BAZ2B: variants seen among roughly 807,000 people sequenced by gnomAD.
The protein encoded by BAZ2B is bromodomain adjacent to zinc finger domain 2B.
Under a neutral mutation model 246.0 loss-of-function variants are expected in BAZ2B, and 91 were observed. The observed-to-expected ratio is 0.37, with a 90% CI of 0.31 to 0.44. The LOEUF (loss-of-function observed/expected upper bound fraction) is 0.44, where lower values mean the gene tolerates loss of function less well. Among genes scored for constraint, BAZ2B ranks in the 20% least tolerant of loss-of-function variants. The pLI is 1.00. For missense variants in BAZ2B, 2,332 were observed against 2,533.7 expected (o/e 0.92, Z 1.71); for synonymous variants, 855 against 860.0 (o/e 0.99, Z 0.10).
chr2:159,333,119 T>A (rs1293110329), intron 33 of BAZ2B: 1 of 152,540 alleles, frequency 6.6e-6, no homozygotes, highest in East Asian at 1.9e-4. Flanking sequence ...GAGTATTTTT[T>A]AAAATCAAAA....
At chr2:159,356,570 C>T (rs1002028997) in intron 27 of BAZ2B, among the ~76,000 whole-genome samples, 52 of 152,154 alleles carry the variant, frequency 3.4e-4, no homozygotes, top group Non-Finnish European at 6.9e-4. Flanking sequence ...TTAAACGTTC[C>T]TGCCTGGTGG....
rs760177727 is a variant in BAZ2B, at chr2:159,428,373, C to G, written c.2302G>C (p.Gly768Arg). Reference protein sequence around the residue: ...RIRNFGGRLQGEVAYYAPCGK... With the variant: ...RIRNFGGRLQREVAYYAPCGK... ...CATGGAGCATAATATGCTACTTCTC[C>G]TTGAAGGCGCCCTCCAAAGTTTCTT... Residue 768 changes from glycine (G) to arginine (R), a missense_variant, in exon 12 of 37, where the codon GGA becomes CGA. Coordinates refer to ENST00000392783, the MANE Select transcript of BAZ2B (RefSeq NM_013450.4). 3 of 1,613,176 alleles carry G rather than the reference C, an allele frequency of 1.9e-6. No individual in the cohort carries two copies. The East Asian group carries it at 6.7e-5, about 36-fold the overall frequency.
chr2:159,528,852 G>T (rs2085043303), intron 2 of BAZ2B, among the ~76,000 whole-genome samples: 1 of 150,998 alleles, frequency 6.6e-6, no homozygotes, highest in South Asian at 2.1e-4. Context: ...AAATAAGTTG[G>T]AGGTTCACAA....
At chr2:159,315,415 T>A (rs1227099086), downstream of BAZ2B, among the ~76,000 whole-genome samples, 1 of 152,170 alleles carries the variant, frequency 6.6e-6, no homozygotes, top group Non-Finnish European at 1.5e-5. Flanking sequence ...GCTTATGAAG[T>A]TTCAGTCGAG....
intron 35 of BAZ2B, 55 bp downstream of exon 35, chr2:159,325,598 A>G (rs947293161): frequency 1.3e-6 from 2 of 1,527,052 alleles, no homozygotes; most frequent in South Asian, 1.3e-5. Context: ...AAAGGTTTCT[A>G]AACAAATAAA....
chr2:159,382,727 A>C lies in BAZ2B; in HGVS notation c.3837T>G (p.His1279Gln). 6.2e-7 allele frequency: 1 copy of C among 1,613,590 alleles called. No homozygotes were observed. The change falls in exon 25 of 37, where the codon CAT (histidine) becomes CAG (glutamine). Residue 1279 changes from histidine to glutamine, a missense_variant. His to Gln is a conservative substitution (Grantham distance 24). Around this residue, in one of 9 missense-constraint regions of BAZ2B, gnomAD observed 328 missense variants for 410.4 expected, o/e 0.80. Transcript: ENST00000392783. ...SGGIDLGEEQ[H>Q]PLGTPTPGRK... The stretch of plus-strand genomic sequence containing the variant: ...GTCCTGGAGTGGGTGTGCCCAAGGG[A>C]TGCTGCTCTTCTCCCAGATCAATGC...
intron 2 of BAZ2B, among the ~76,000 whole-genome samples, chr2:159,485,795 T>C (rs987228610): frequency 6.6e-6 from 1 of 152,132 alleles, no homozygotes; most frequent in African/African-American, 2.4e-5. Flanking sequence ...ATTCTTTTCA[T>C]TGGCAGTCTT....
the BAZ2B span, among the ~76,000 whole-genome samples, chr2:159,624,550 CAG>C: frequency 6.6e-6 from 1 of 152,216 alleles, no homozygotes; most frequent in Non-Finnish European, 1.5e-5. Context: ...CCCAGGCAAA[CAG>C]AGTCTGGAGT....
chr2:159,431,105 T>C lies in BAZ2B; in HGVS notation c.1952A>G (p.Asp651Gly). The change falls in exon 10 of 37, where the codon GAT becomes GGT. Residue 651 changes from aspartate to glycine, a missense_variant. Coordinates refer to ENST00000392783, the MANE Select transcript of BAZ2B (RefSeq NM_013450.4). ...SDTEGSEEED[D>G]DDKDQDESDS... ...TGATTCATCTTGGTCTTTATCATCA[T>C]CATCTTCTTCTTCTGATCCTTCTGT... is the stretch of plus-strand genomic sequence containing the variant. The C allele has an allele frequency of 3.7e-6, 6 of 1,613,140 alleles. No homozygotes were observed. Among genetic ancestry groups the C allele is most frequent in the Non-Finnish European group, 4.2e-6 (5 of 1,179,162 alleles).
intron 27 of BAZ2B, among the ~76,000 whole-genome samples, chr2:159,351,389 A>G (rs529506979): frequency 6.6e-6 from 1 of 152,274 alleles, no homozygotes; most frequent in South Asian, 2.1e-4. Flanking sequence ...ATAGGTCCCA[A>G]TTATTCACTA....
At chr2:159,672,574 G>A in the BAZ2B span, among the ~76,000 whole-genome samples, 1 of 152,194 alleles carries the variant, frequency 6.6e-6, no homozygotes, top group African/African-American at 2.4e-5. Context: ...GCTAACCAGA[G>A]TGAAGGTTTT....
intron 1 of BAZ2B, among the ~76,000 whole-genome samples, chr2:159,599,173 T>C (rs970459753): frequency 6.6e-6 from 1 of 152,212 alleles, no homozygotes; most frequent in Non-Finnish European, 1.5e-5. Flanking sequence ...TTGAGAACGA[T>C]GCTTACTTAA....
chr2:159,592,247 C>T (rs554373328), intron 1 of BAZ2B, among the ~76,000 whole-genome samples: 7 of 152,226 alleles, frequency 4.6e-5, no homozygotes, highest in African/African-American at 1.7e-4. Context: ...AAGTTTCTTC[C>T]GTAGATTTAC....
rs557831106 is a variant in BAZ2B, at chr2:159,567,842, C to T, written c.-45-11977G>A. 2.6e-5 allele frequency among the ~76,000 whole-genome samples: 4 copies of T among 152,004 alleles called. 1 individual carries two copies. Among genetic ancestry groups the T allele is most frequent in the South Asian group, 2.1e-4 (1 of 4,800 alleles). ...CAAAAATTAGCTGGGCATGGTGGCACGCATCTGTAGTCCCAGCTACTCGGG... is the reference window on the plus strand; with the variant it reads ...CAAAAATTAGCTGGGCATGGTGGCATGCATCTGTAGTCCCAGCTACTCGGG... On this transcript the variant is annotated intron_variant, in intron 1 of 36. Transcript: ENST00000392783.
the BAZ2B span, among the ~76,000 whole-genome samples, chr2:159,695,758 A>AT: frequency 3.3e-5 from 5 of 151,550 alleles, no homozygotes; most frequent in East Asian, 7.8e-4. Context: ...TTTATTTTTT[A>AT]TTTTTATTTT....
At chr2:159,399,410 G>A (rs1454820774) in intron 17 of BAZ2B, among the ~76,000 whole-genome samples, 2 of 151,692 alleles carry the variant, frequency 1.3e-5, no homozygotes, top group Non-Finnish European at 1.5e-5. Context: ...ATTGGTTTAT[G>A]TCTATTAAGT....
intron 1 of BAZ2B, chr2:159,615,657 C>G (rs1192206564): frequency 1.3e-5 from 2 of 152,194 alleles, no homozygotes; most frequent in Admixed American, 1.3e-4. Flanking sequence ...GGGGGGTGAT[C>G]CAGAAACTAC....
intron 6 of BAZ2B, among the ~76,000 whole-genome samples, chr2:159,440,612 G>A (rs1188783869): frequency 6.6e-6 from 1 of 151,342 alleles, no homozygotes; most frequent in Non-Finnish European, 1.5e-5. Flanking sequence ...TGCCTCCCAG[G>A]TTCAAGCAAT....
At chr2:159,513,964 T>C (rs902049936) in intron 2 of BAZ2B, among the ~76,000 whole-genome samples, 3 of 152,106 alleles carry the variant, frequency 2.0e-5, no homozygotes, top group African/African-American at 7.2e-5. Flanking sequence ...AGCAAACCAG[T>C]CATGCTCCTG....
Sources: gnomAD v4.1 joint callset for allele counts (sites outside exome capture counted in the v4.1 genomes callset) on GRCh38, gnomAD v4.1.1 for gene constraint, gnomAD v4.1.1 regional missense constraint, MANE v1.5 for transcripts, NCBI Gene and HGNC (gene_info 2026-07-23, HGNC 2026-07-21) for gene names.